Variants in CDH13 observed in about 807,000 individuals in gnomAD.
The protein encoded by CDH13 is cadherin 13, also known as cadherin-13.
In CDH13, 24 loss-of-function variants were observed where a neutral mutation model predicts 63.8. The ratio of observed to expected loss-of-function variants is 0.38; its 90% CI spans 0.27 to 0.53. CDH13 has a LOEUF of 0.53. Ranked by LOEUF, CDH13 falls within the 20% of genes least tolerant of loss-of-function variation. The pLI is 0.85. For synonymous variants in CDH13, 503 were observed against 355.3 expected (o/e 1.42, Z -4.67); for missense variants, 1,049 against 903.1 (o/e 1.16, Z -2.07).
chr16:83,622,443 A>G (rs540716583), intron 8 of CDH13, among the ~76,000 whole-genome samples: 8 of 152,210 alleles, frequency 5.3e-5, no homozygotes, highest in Non-Finnish European at 8.8e-5. Flanking sequence ...CAAAAAACCT[A>G]TGTTGAACAC....
In CDH13 at chr16:83,111,002, C is replaced by CAAAAAAAAAA. The variant is rs398030036; in HGVS notation, c.367-14372_367-14363dup. ...CCTAAATGTATGTATTAGGTTGTTG[C>CAAAAAAAAAA]AAAAAAAAAAAAAAAAAAAATTAGC... On this transcript the variant is annotated intron_variant, in intron 3 of 13. Transcript: ENST00000567109. 6.6e-3 allele frequency among the ~76,000 whole-genome samples: 697 copies of CAAAAAAAAAA among 106,160 alleles called. 20 individuals are homozygous for CAAAAAAAAAA. The highest frequency in any genetic ancestry group is 0.023 in the African/African-American group (609 of 26,472). The allele number at this position is 106,160 out of a possible 152,430, so 69.6% of individuals were successfully genotyped here.
At chr16:83,198,534 C>T (rs568158225) in intron 4 of CDH13, among the ~76,000 whole-genome samples, 9 of 152,156 alleles carry the variant, frequency 5.9e-5, no homozygotes, top group African/African-American at 2.2e-4. Flanking sequence ...AGTGTACAGA[C>T]AGAAGGTGCA....
chr16:83,588,072 C>G (rs1402607455), intron 7 of CDH13, among the ~76,000 whole-genome samples: 2 of 152,130 alleles, frequency 1.3e-5, no homozygotes, highest in South Asian at 2.1e-4. Context: ...AGGGCTGAGC[C>G]TGGGGCTGGG....
At chr16:83,003,597 A>C (rs2151426244) in intron 2 of CDH13, among the ~76,000 whole-genome samples, 1 of 152,356 alleles carries the variant, frequency 6.6e-6, no homozygotes, top group South Asian at 2.1e-4. Flanking sequence ...CTCAGACTTG[A>C]ATATATCACA....
At position 83,198,917 on chromosome 16, in the gene CDH13, TA is replaced by T. The variant is rs1017149065; in HGVS notation, c.484-18422del. Among the ~76,000 whole-genome samples, 7 of 152,358 alleles carry T rather than the reference TA, an allele frequency of 4.6e-5. No homozygotes were observed. In the East Asian group the frequency reaches 1.3e-3, roughly 29 times the overall value. On this transcript the variant is annotated intron_variant, in intron 4 of 13. Coordinates refer to ENST00000567109, the MANE Select transcript of CDH13 (RefSeq NM_001257.5). ...CAGAATTGTGAAAGTTGTGAAACTA[TA>T]AAAAATATTCCTCTCTTGGGGATGT...
chr16:82,693,822 C>T (rs1330442414), intron 1 of CDH13, among the ~76,000 whole-genome samples: 1 of 152,202 alleles, frequency 6.6e-6, no homozygotes, highest in Admixed American at 6.5e-5. Flanking sequence ...CCATCAGAGT[C>T]ATGAGGTCCC....
chr16:83,270,477 T>G (rs2088768708), intron 5 of CDH13, among the ~76,000 whole-genome samples: 1 of 152,162 alleles, frequency 6.6e-6, no homozygotes, highest in South Asian at 2.1e-4. Flanking sequence ...CATTGTGAAA[T>G]TTAAAATATT....
intron 7 of CDH13, among the ~76,000 whole-genome samples, chr16:83,490,561 G>A (rs542652511): frequency 6.6e-6 from 1 of 152,278 alleles, no homozygotes; most frequent in African/African-American, 2.4e-5. Context: ...CACTATTCTT[G>A]AAAGAGTCTA....
intron 8 of CDH13, among the ~76,000 whole-genome samples, chr16:83,625,043 A>G (rs1192105554): frequency 6.6e-6 from 1 of 152,176 alleles, no homozygotes; most frequent in Admixed American, 6.5e-5. Context: ...ATATTTAAGC[A>G]CAAAAATGGA....
At chr16:83,075,130 G>A (rs1002567765) in intron 3 of CDH13, among the ~76,000 whole-genome samples, 4 of 152,190 alleles carry the variant, frequency 2.6e-5, no homozygotes, top group Non-Finnish European at 5.9e-5. Flanking sequence ...AGAGTCCCCA[G>A]TAGGATTGAG....
intron 1 of CDH13, among the ~76,000 whole-genome samples, chr16:82,814,098 G>T (rs1253782053): frequency 1.3e-5 from 2 of 152,080 alleles, no homozygotes; most frequent in Non-Finnish European, 2.9e-5. Context: ...AAAGTGCCTG[G>T]CTGTGATTAT....
chr16:82,783,815 C>A (rs749108407), intron 1 of CDH13, among the ~76,000 whole-genome samples: 10 of 139,048 alleles, frequency 7.2e-5, no homozygotes, highest in Non-Finnish European at 3.3e-5. Context: ...CAGCGGCAGG[C>A]TTCTGACAAG....
At chr16:83,048,738 T>A (rs1224956690) in intron 3 of CDH13, among the ~76,000 whole-genome samples, 2 of 152,164 alleles carry the variant, frequency 1.3e-5, no homozygotes, top group African/African-American at 2.4e-5. Flanking sequence ...CTTTTCTGCC[T>A]CTTTCTTCAT....
At chr16:82,901,939 A>G (rs1359887555) in intron 2 of CDH13, among the ~76,000 whole-genome samples, 1 of 152,168 alleles carries the variant, frequency 6.6e-6, no homozygotes, top group Non-Finnish European at 1.5e-5. Context: ...ATCCCAGAAA[A>G]TCTGAGCGGT....
intron 1 of CDH13, among the ~76,000 whole-genome samples, chr16:82,638,813 G>A (rs1243398371): frequency 9.3e-5 from 5 of 53,798 alleles, no homozygotes; most frequent in Non-Finnish European, 2.7e-4. Context: ...GGCTTTATTA[G>A]GGCAGTGTGT....
At chr16:82,944,999 A>G (rs781772415) in intron 2 of CDH13, among the ~76,000 whole-genome samples, 3 of 152,220 alleles carry the variant, frequency 2.0e-5, no homozygotes, top group African/African-American at 7.2e-5. Flanking sequence ...TGGTAATCTG[A>G]CAGTCTGACT....
chr16:83,080,842 G>T (rs1292206853), intron 3 of CDH13, among the ~76,000 whole-genome samples: 2 of 147,154 alleles, frequency 1.4e-5, no homozygotes, highest in Non-Finnish European at 3.0e-5. Context: ...AAGGACTCCA[G>T]GCAAGATAGA....
Position 83,542,536 on chromosome 16 carries a change from A to G in CDH13, c.960+55881A>G, listed in dbSNP as rs151126508. On this transcript the variant is annotated intron_variant, in intron 7 of 13. Coordinates refer to ENST00000567109, the MANE Select transcript of CDH13 (RefSeq NM_001257.5). The stretch of plus-strand genomic sequence containing the variant: ...TGTGGTAACAAAGCATCATAAACTA[A>G]GTGGCTTACAACAGCAGAAATGTAT... Among the ~76,000 whole-genome samples the G allele has an allele frequency of 2.7e-3, 418 of 152,338 alleles. 1 individual carries two copies. The highest frequency in any genetic ancestry group is 9.7e-3 in the African/African-American group (405 of 41,572).
intron 8 of CDH13, among the ~76,000 whole-genome samples, chr16:83,651,025 C>T (rs558102694): frequency 4.6e-5 from 7 of 151,780 alleles, no homozygotes; most frequent in South Asian, 2.1e-4. Flanking sequence ...CCATTGAGCC[C>T]GGGAGGTCAA....
Sources: allele counts gnomAD v4.1 joint callset (sites outside exome capture counted in the v4.1 genomes callset), GRCh38; gene constraint gnomAD v4.1.1; transcripts MANE v1.5; gene names NCBI Gene and HGNC (gene_info 2026-07-23, HGNC 2026-07-21).